SSBP3: variants seen among roughly 807,000 people sequenced by gnomAD.
SSBP3 encodes the protein single stranded DNA binding protein 3.
A neutral mutation model predicts 69.6 loss-of-function variants in SSBP3; 5 were observed. The observed-to-expected ratio is 0.07, with a 90% CI of 0.04 to 0.15. The LOEUF (loss-of-function observed/expected upper bound fraction) is 0.15, where lower values mean the gene tolerates loss of function less well. SSBP3 is among the 10% of genes least tolerant of loss of function. The pLI, the probability that SSBP3 is intolerant of heterozygous loss-of-function variation, is 1.00. For synonymous variants in SSBP3, 196 were observed against 193.4 expected, an observed-to-expected ratio of 1.01 and a Z score of -0.11; for missense variants, 312 against 534.0, an observed-to-expected ratio of 0.58 and a Z score of 4.10.
At chr1:54,274,227 C>A (rs1217247958) in intron 5 of SSBP3, among the ~76,000 whole-genome samples, 1 of 152,188 alleles carries the variant, frequency 6.6e-6, no homozygotes, top group East Asian at 1.9e-4. Flanking sequence ...CGGATCCCAC[C>A]GCCCCACCCA....
intron 4 of SSBP3, among the ~76,000 whole-genome samples, chr1:54,329,245 T>C (rs539798066): frequency 9.9e-5 from 15 of 152,100 alleles, no homozygotes; most frequent in African/African-American, 1.7e-4. Context: ...ATGAATGATA[T>C]ACTTTTTTTA....
At chr1:54,326,150 T>C (rs987691337) in intron 4 of SSBP3, among the ~76,000 whole-genome samples, 2 of 152,088 alleles carry the variant, frequency 1.3e-5, no homozygotes, top group African/African-American at 4.8e-5. Flanking sequence ...ATGATCGCAG[T>C]GGGTAATTAG....
At chr1:54,367,502 TC>T (rs1372898981) in intron 4 of SSBP3, among the ~76,000 whole-genome samples, 4 of 152,168 alleles carry the variant, frequency 2.6e-5, no homozygotes, top group African/African-American at 9.7e-5. Flanking sequence ...ATGTATTAAG[TC>T]CCTACAGGGC....
intron 4 of SSBP3, among the ~76,000 whole-genome samples, chr1:54,299,653 C>T (rs1043718786): frequency 6.6e-6 from 1 of 152,190 alleles, no homozygotes; most frequent in Non-Finnish European, 1.5e-5. Context: ...CTCAGCAGGC[C>T]GGCCCACTTT....
intron 5 of SSBP3, among the ~76,000 whole-genome samples, chr1:54,278,068 G>A (rs1306308925): frequency 1.3e-5 from 2 of 152,182 alleles, no homozygotes; most frequent in Non-Finnish European, 2.9e-5. Flanking sequence ...TCCAGAGATG[G>A]GGAGCAACTT....
chr1:54,396,177 G>GTT (rs2100788115), intron 4 of SSBP3, among the ~76,000 whole-genome samples: 1 of 109,094 alleles, frequency 9.2e-6, no homozygotes, highest in African/African-American at 4.0e-5. Flanking sequence ...GGGTGACAGA[G>GTT]TGAGACTCCA....
chr1:54,290,743 TG>T (rs1233004273), intron 4 of SSBP3, among the ~76,000 whole-genome samples: 2 of 152,220 alleles, frequency 1.3e-5, no homozygotes, highest in Non-Finnish European at 2.9e-5. Flanking sequence ...ACCTCCCATC[TG>T]GGCCCCATGG....
intron 4 of SSBP3, among the ~76,000 whole-genome samples, chr1:54,401,189 C>A (rs1649264306): frequency 6.6e-6 from 1 of 152,180 alleles, no homozygotes; most frequent in Admixed American, 6.5e-5. Context: ...TGGCAGACAA[C>A]CCTCTCGTAA....
At chr1:54,362,888 A>T (rs949296762) in intron 4 of SSBP3, among the ~76,000 whole-genome samples, 11 of 152,094 alleles carry the variant, frequency 7.2e-5, no homozygotes, top group Non-Finnish European at 1.3e-4. Context: ...ACAGGCATTT[A>T]TAAGAGCTGG....
chr1:54,363,778 T>A (rs1484804274), intron 4 of SSBP3, among the ~76,000 whole-genome samples: 2 of 152,234 alleles, frequency 1.3e-5, no homozygotes, highest in Non-Finnish European at 2.9e-5. Flanking sequence ...GGGAAAGGTA[T>A]ATTGTTTTGT....
chr1:54,308,666 G>T lies in SSBP3; in HGVS notation c.277-27139C>A, dbSNP rs150911395. Among the ~76,000 whole-genome samples, 1,043 of 151,916 alleles carry T rather than the reference G, an allele frequency of 6.9e-3. 11 individuals carry two copies. Among genetic ancestry groups the T allele is most frequent in the African/African-American group, 0.024 (994 of 41,356 alleles). The stretch of plus-strand genomic sequence containing the variant: ...ACCTGTAATCCCTGTCACACAGGAG[G>T]CTGAGGCAGGAGAATCACTCGAACC... On this transcript the variant is annotated intron_variant, in intron 4 of 17. Coordinates refer to ENST00000610401, the Ensembl canonical transcript of SSBP3.
chr1:54,323,116 T>C (rs1355730624), intron 4 of SSBP3, among the ~76,000 whole-genome samples: 1 of 152,130 alleles, frequency 6.6e-6, no homozygotes, highest in Non-Finnish European at 1.5e-5. Flanking sequence ...TACAGGGCCC[T>C]TCAATCTCCC....
chr1:54,259,036 G>C (rs1644971961), intron 5 of SSBP3, among the ~76,000 whole-genome samples: 1 of 152,140 alleles, frequency 6.6e-6, no homozygotes, highest in African/African-American at 2.4e-5. Flanking sequence ...CTGGGGACAG[G>C]GGGAAGTGCA....
chr1:54,355,603 C>A (rs1646850071), intron 4 of SSBP3, among the ~76,000 whole-genome samples: 2 of 152,152 alleles, frequency 1.3e-5, no homozygotes, highest in Non-Finnish European at 2.9e-5. Flanking sequence ...CCCGGCTCAG[C>A]CTCCCGAAGT....
intron 9 of SSBP3, among the ~76,000 whole-genome samples, chr1:54,246,816 A>G (rs1248209481): frequency 1.3e-5 from 2 of 152,222 alleles, no homozygotes; most frequent in Admixed American, 6.5e-5. Flanking sequence ...AGCAGGCTGA[A>G]ATCTGGTTTG....
At chr1:54,273,886 A>G (rs1645239210) in intron 5 of SSBP3, among the ~76,000 whole-genome samples, 1 of 152,218 alleles carries the variant, frequency 6.6e-6, no homozygotes. Context: ...GGTGGGGAAG[A>G]GCAGTGGTTC....
chr1:54,323,319 G>A (rs1646247494), intron 4 of SSBP3, among the ~76,000 whole-genome samples: 1 of 152,212 alleles, frequency 6.6e-6, no homozygotes, highest in African/African-American at 2.4e-5. Flanking sequence ...GGGGAGAAAA[G>A]TAAACTACTC....
chr1:54,289,383 AGGTGGGGGGTGG>A (rs1204242138), intron 4 of SSBP3, among the ~76,000 whole-genome samples: 6 of 99,818 alleles, frequency 6.0e-5, no homozygotes, highest in Admixed American at 3.7e-4. Context: ...AGGAGAAACA[AGGTGGGGGGTGG>A]GGTGGGGGGC....
At chr1:54,345,880 G>A (rs1207991829) in intron 4 of SSBP3, among the ~76,000 whole-genome samples, 1 of 151,638 alleles carries the variant, frequency 6.6e-6, no homozygotes, top group African/African-American at 2.4e-5. Context: ...GGTGGCTCAC[G>A]CCTGTAATTC....
Sources: gnomAD v4.1 joint callset for allele counts (sites outside exome capture counted in the v4.1 genomes callset) on GRCh38, gnomAD v4.1.1 for gene constraint, MANE v1.5 for transcripts, NCBI Gene and HGNC (gene_info 2026-07-23, HGNC 2026-07-21) for gene names.